Variants in SLC41A2 observed in about 807,000 individuals in gnomAD.
SLC41A2 encodes the protein solute carrier family 41 member 2.
Under a neutral mutation model 58.3 loss-of-function variants are expected in SLC41A2, and 32 were observed. The ratio of observed to expected loss-of-function variants is 0.55; its 90% CI spans 0.41 to 0.74. SLC41A2 has a LOEUF of 0.74. Among genes scored for constraint, SLC41A2 ranks in the 30% least tolerant of loss-of-function variants. The pLI, the probability that SLC41A2 is intolerant of heterozygous loss-of-function variation, is 0.00. For missense variants in SLC41A2, 514 were observed against 680.6 expected, an observed-to-expected ratio of 0.76 and a Z score of 2.72; for synonymous variants, 190 against 235.0, an observed-to-expected ratio of 0.81 and a Z score of 1.75.
At chr12:104,821,167 AGG>A (rs2041621364) in intron 10 of SLC41A2, among the ~76,000 whole-genome samples, 1 of 152,190 alleles carries the variant, frequency 6.6e-6, no homozygotes, top group Non-Finnish European at 1.5e-5. Flanking sequence ...TTTAAAAATC[AGG>A]GCTTTAAAAA....
chr12:104,843,380 G>T (rs142920594), intron 10 of SLC41A2, among the ~76,000 whole-genome samples: 200 of 151,982 alleles, frequency 1.3e-3, no homozygotes, highest in Middle Eastern at 0.01. Context: ...GCACTATAAA[G>T]CATAATAGAC....
At chr12:104,823,997 T>C (rs893601747) in intron 10 of SLC41A2, among the ~76,000 whole-genome samples, 1 of 152,178 alleles carries the variant, frequency 6.6e-6, no homozygotes, top group African/African-American at 2.4e-5. Flanking sequence ...ACTATCTATA[T>C]GTATTTCATA....
chr12:104,928,498 G>T lies in SLC41A2; in HGVS notation c.30C>A (p.Thr10=), dbSNP rs958740920. The change falls in exon 2 of 11, where the codon ACC becomes ACA. Residue 10 remains threonine, a synonymous_variant. Transcript: ENST00000258538. MTNSKGRSI[T]DKTSGGPSSG... The stretch of plus-strand genomic sequence containing the variant: ...TACTTGGACCACCACTTGTTTTATC[G>T]GTAATAGATCTTCCTTTACTATTAG... 1.5e-5 allele frequency: 23 copies of T among 1,524,928 alleles called. No homozygotes were observed. The highest frequency in any genetic ancestry group is 2.0e-5 in the Non-Finnish European group (23 of 1,135,196). 94.5% of individuals were successfully genotyped at this position (1,524,928 alleles called of 1,614,324 possible). A position where few individuals can be genotyped will look rare whatever the true frequency, so the allele number is the denominator to read the frequency against.
intron 1 of SLC41A2, among the ~76,000 whole-genome samples, chr12:104,955,166 C>A (rs1406258833): frequency 6.6e-6 from 1 of 151,874 alleles, no homozygotes; most frequent in Non-Finnish European, 1.5e-5. Flanking sequence ...CAGGTGCCCG[C>A]CAGCACACCA....
At chr12:104,930,440 T>C (rs2047009008) in intron 1 of SLC41A2, among the ~76,000 whole-genome samples, 1 of 152,162 alleles carries the variant, frequency 6.6e-6, no homozygotes, top group South Asian at 2.1e-4. Flanking sequence ...ATGAGTTAGA[T>C]TGAGTGGGTG....
At chr12:104,901,054 G>C (rs2045535045) in intron 3 of SLC41A2, among the ~76,000 whole-genome samples, 1 of 152,208 alleles carries the variant, frequency 6.6e-6, no homozygotes, top group South Asian at 2.1e-4. Flanking sequence ...GAAAGGTAGA[G>C]TGTTGCTAAA....
chr12:104,922,777 G>A (rs1401062740), intron 2 of SLC41A2, among the ~76,000 whole-genome samples: 1 of 152,046 alleles, frequency 6.6e-6, no homozygotes, highest in African/African-American at 2.4e-5. Flanking sequence ...TATATCTTAA[G>A]CCACAAAATA....
At chr12:104,853,911 A>ATTATTTTTTTTTTTTTTT in intron 8 of SLC41A2, among the ~76,000 whole-genome samples, 5 of 59,496 alleles carry the variant, frequency 8.4e-5, no homozygotes, top group African/African-American at 1.4e-4. Context: ...TGCCTGGCTG[A>ATTATTTTTTTTTTTTTTT]TTTTTTTTTT....
At chr12:104,878,922 CCCA>C (rs770404967) in intron 6 of SLC41A2, among the ~76,000 whole-genome samples, 2 of 152,178 alleles carry the variant, frequency 1.3e-5, no homozygotes, top group Non-Finnish European at 2.9e-5. Flanking sequence ...AGTTTACACT[CCCA>C]CCAACAGTGT....
intron 10 of SLC41A2, among the ~76,000 whole-genome samples, chr12:104,835,164 G>A (rs2042165562): frequency 6.6e-6 from 1 of 152,148 alleles, no homozygotes; most frequent in Non-Finnish European, 1.5e-5. Context: ...TCTAGTCTTA[G>A]CCCCTTTATA....
intron 8 of SLC41A2, among the ~76,000 whole-genome samples, chr12:104,860,163 TA>T (rs1415173399): frequency 6.6e-6 from 1 of 152,122 alleles, no homozygotes; most frequent in African/African-American, 2.4e-5. Flanking sequence ...AGGCTGTACT[TA>T]AAATCTACTT....
At chr12:104,905,628 T>C (rs1593115017) in intron 3 of SLC41A2, among the ~76,000 whole-genome samples, 1 of 152,040 alleles carries the variant, frequency 6.6e-6, no homozygotes, top group African/African-American at 2.4e-5. Flanking sequence ...GGCTCAGGCA[T>C]GGCAGGCTGC....
chr12:104,930,579 G>A (rs2047014167), intron 1 of SLC41A2, among the ~76,000 whole-genome samples: 1 of 152,146 alleles, frequency 6.6e-6, no homozygotes, highest in Admixed American at 6.5e-5. Flanking sequence ...CTATTCCATA[G>A]GAGGACCAGT....
intron 6 of SLC41A2, among the ~76,000 whole-genome samples, chr12:104,870,092 A>G (rs1185982753): frequency 2.6e-5 from 4 of 152,222 alleles, no homozygotes; most frequent in Non-Finnish European, 5.9e-5. Context: ...TGTAGAAATG[A>G]TTAAGTCAAG....
At chr12:104,949,721 T>A (rs922717960) in intron 1 of SLC41A2, among the ~76,000 whole-genome samples, 1 of 152,164 alleles carries the variant, frequency 6.6e-6, no homozygotes, top group Non-Finnish European at 1.5e-5. Context: ...GTAGCTGGGA[T>A]TACAGGCATG....
intron 3 of SLC41A2, among the ~76,000 whole-genome samples, chr12:104,906,165 G>T (rs1410049252): frequency 1.3e-5 from 2 of 152,212 alleles, no homozygotes; most frequent in Non-Finnish European, 2.9e-5. Flanking sequence ...TATGCCAAAT[G>T]GTCAAGTGTT....
chr12:104,828,907 A>G (rs1290871034), intron 10 of SLC41A2, among the ~76,000 whole-genome samples: 2 of 152,184 alleles, frequency 1.3e-5, no homozygotes, highest in East Asian at 3.8e-4. Flanking sequence ...TATAGTCACT[A>G]TCATCAGTCA....
intron 1 of SLC41A2, among the ~76,000 whole-genome samples, chr12:104,932,741 C>A (rs1453233109): frequency 6.6e-6 from 1 of 150,378 alleles, no homozygotes; most frequent in Non-Finnish European, 1.5e-5. Flanking sequence ...CCAAATACAA[C>A]CAACTGATAT....
chr12:104,906,404 G>T (rs1198015305), intron 3 of SLC41A2, among the ~76,000 whole-genome samples: 1 of 151,370 alleles, frequency 6.6e-6, no homozygotes, highest in African/African-American at 2.4e-5. Flanking sequence ...ATGGGGCCTG[G>T]TGTATGTGTG....
Sources: allele counts gnomAD v4.1 joint callset (sites outside exome capture counted in the v4.1 genomes callset), GRCh38; gene constraint gnomAD v4.1.1; transcripts MANE v1.5; gene names NCBI Gene and HGNC (gene_info 2026-07-23, HGNC 2026-07-21).